TMEM63C: variants seen among roughly 807,000 people sequenced by gnomAD.
TMEM63C encodes transmembrane protein 63C, also known as osmosensitive cation channel TMEM63C.
In TMEM63C, 32 loss-of-function variants were observed where a neutral mutation model predicts 99.2. That is an observed-to-expected ratio of 0.32 (90% CI 0.24 to 0.43). The LOEUF (loss-of-function observed/expected upper bound fraction) is 0.43. Ranked by LOEUF, TMEM63C falls within the 20% of genes least tolerant of loss-of-function variation. The probability of loss-of-function intolerance (pLI) is 1.00; values close to 1 mark genes in which losing one functional copy is unlikely to be tolerated. For missense variants in TMEM63C, 826 were observed against 1,053.0 expected (o/e 0.78, Z 2.98); for synonymous variants, 376 against 397.9 (o/e 0.94, Z 0.66).
At chr14:77,189,765 A>T (rs1394957275) in intron 1 of TMEM63C, among the ~76,000 whole-genome samples, 1 of 152,124 alleles carries the variant, frequency 6.6e-6, no homozygotes, top group East Asian at 1.9e-4. Context: ...GGTGTGAAGG[A>T]CTCAGGGAAC....
chr14:77,246,196 G>A (rs1444625772), intron 17 of TMEM63C, among the ~76,000 whole-genome samples, 170 bp downstream of exon 17: 1 of 152,186 alleles, frequency 6.6e-6, no homozygotes, highest in Non-Finnish European at 1.5e-5. Context: ...AGACACTAAC[G>A]TGTCAGCCGT....
chr14:77,192,785 CGAA>C (rs1888132105), intron 1 of TMEM63C, among the ~76,000 whole-genome samples: 1 of 136,746 alleles, frequency 7.3e-6, no homozygotes, highest in Admixed American at 7.8e-5. Flanking sequence ...AAGACAAAGA[CGAA>C]GGAGGAGGAG....
chr14:77,191,461 A>G (rs561911280), intron 1 of TMEM63C, among the ~76,000 whole-genome samples: 4 of 144,150 alleles, frequency 2.8e-5, no homozygotes, highest in East Asian at 2.1e-4. Context: ...GCATATGTCT[A>G]TTAGGTACAA....
chr14:77,220,112 G>A (rs777245490), intron 5 of TMEM63C, 25 bp downstream of exon 5: 138 of 1,549,212 alleles, frequency 8.9e-5, no homozygotes, highest in East Asian at 3.2e-4. Flanking sequence ...CGGTCTGGGC[G>A]GTGGGAGTCC....
chr14:77,183,207 T>G (rs535355374), intron 1 of TMEM63C, among the ~76,000 whole-genome samples: 75 of 152,184 alleles, frequency 4.9e-4, no homozygotes, highest in African/African-American at 1.7e-3. Flanking sequence ...TCCAGGTATC[T>G]TACCTACATG....
At chr14:77,212,822 C>A (rs1851731662) in intron 1 of TMEM63C, among the ~76,000 whole-genome samples, 2 of 152,194 alleles carry the variant, frequency 1.3e-5, no homozygotes, top group African/African-American at 4.8e-5. Context: ...ACCTGACCAA[C>A]CTGCTGGATG....
chr14:77,192,012 G>C (rs1051332277), intron 1 of TMEM63C, among the ~76,000 whole-genome samples: 2 of 152,108 alleles, frequency 1.3e-5, no homozygotes, highest in African/African-American at 4.8e-5. Context: ...TGTATTTATA[G>C]TTGTTATATC....
chr14:77,238,632 A>T, intron 9 of TMEM63C, 62 bp from the exon 10 acceptor site: 1 of 1,362,976 alleles, frequency 7.3e-7, no homozygotes, highest in Non-Finnish European at 1.0e-6. Flanking sequence ...CAAAAGACTG[A>T]GGTGTCTGGA....
intron 6 of TMEM63C, among the ~76,000 whole-genome samples, chr14:77,226,134 G>A (rs374262895): frequency 3.3e-5 from 5 of 152,092 alleles, no homozygotes; most frequent in East Asian, 1.9e-4. Context: ...GCACACACAC[G>A]TACACGTGTG....
intron 5 of TMEM63C, among the ~76,000 whole-genome samples, chr14:77,224,716 A>G (rs366155): frequency 0.19 from 28,145 of 151,972 alleles, 2,766 homozygotes; most frequent in Non-Finnish European, 0.22. Flanking sequence ...CCCTCAGCAC[A>G]TGGCATCAAA....
At chr14:77,255,756 T>C (rs1386528706) in intron 23 of TMEM63C, among the ~76,000 whole-genome samples, 1 of 152,270 alleles carries the variant, frequency 6.6e-6, no homozygotes, top group East Asian at 1.9e-4. Context: ...GATTTTTCCA[T>C]GGTTCAGTTG....
At chr14:77,225,193 A>C (rs1203320381) in intron 5 of TMEM63C, among the ~76,000 whole-genome samples, 1 of 152,244 alleles carries the variant, frequency 6.6e-6, no homozygotes, top group African/African-American at 2.4e-5. Context: ...GTCACCTTCT[A>C]AACCCCATTT....
intron 8 of TMEM63C, 128 bp downstream of exon 8, chr14:77,233,628 C>T (rs949545160): frequency 9.2e-6 from 9 of 979,698 alleles, no homozygotes; most frequent in African/African-American, 6.5e-5. Context: ...CCCTGGGAAT[C>T]GGGTCCTGAG....
In TMEM63C at chr14:77,242,931, T is replaced by C. The variant is rs1889204405; in HGVS notation, c.1216T>C (p.Trp406Arg). Residue 406 changes from tryptophan (W) to arginine (R), a missense_variant, in exon 15 of 24, where the codon TGG becomes CGG. Trp to Arg is a moderately radical substitution (Grantham distance 101). Transcript: ENST00000298351. ...WKHLSVRRFF[W>R]WARFIAINTF... ...ACACCTGTCTGTCCGCCGCTTCTTT[T>C]GGTGGGCCCGCTTTATCGCAATCAA... 3.1e-6 allele frequency: 5 copies of C among 1,614,036 alleles called. No individual in the cohort carries two copies. The highest frequency in any genetic ancestry group is 3.4e-6 in the Non-Finnish European group (4 of 1,179,896).
chr14:77,223,929 C>T (rs112114443), intron 5 of TMEM63C, among the ~76,000 whole-genome samples: 14 of 152,262 alleles, frequency 9.2e-5, no homozygotes, highest in African/African-American at 3.4e-4. Flanking sequence ...GAGACAGACT[C>T]TTCATGCAGG....
chr14:77,211,680 A>G (rs79137013), intron 1 of TMEM63C, among the ~76,000 whole-genome samples: 23,909 of 152,234 alleles, frequency 0.16, 2,280 homozygotes, highest in Middle Eastern at 0.29. Flanking sequence ...GCAGACAGAA[A>G]GGCAAAGCTA....
At chr14:77,217,307 A>G (rs1888607367) in intron 2 of TMEM63C, among the ~76,000 whole-genome samples, 1 of 152,156 alleles carries the variant, frequency 6.6e-6, no homozygotes, top group African/African-American at 2.4e-5. Flanking sequence ...CAACAGCTGC[A>G]TGGTTCACTC....
chr14:77,233,589 G>T lies in TMEM63C; in HGVS notation c.542+89G>T. On this transcript the variant is annotated intron_variant, in intron 8 of 23. Transcript: ENST00000298351. ...AACATGTCAGTTTGCAACATGGGCA[G>T]CGTTTTGCTGATAAGAAAGGCCTGG... is the stretch of plus-strand genomic sequence containing the variant. 2.1e-6 allele frequency: 3 copies of T among 1,400,724 alleles called. No individual in the cohort carries two copies. The South Asian group carries it at 3.6e-5, about 17-fold the overall frequency. 86.8% of individuals were successfully genotyped at this position (1,400,724 alleles called of 1,614,324 possible).
chr14:77,189,724 C>T (rs1210713600), intron 1 of TMEM63C, among the ~76,000 whole-genome samples: 1 of 152,162 alleles, frequency 6.6e-6, no homozygotes, highest in Admixed American at 6.5e-5. Flanking sequence ...CCTGGGGAGT[C>T]AGGAAAGGGT....
Sources: allele counts gnomAD v4.1 joint callset (sites outside exome capture counted in the v4.1 genomes callset), GRCh38; gene constraint gnomAD v4.1.1; transcripts MANE v1.5; gene names NCBI Gene and HGNC (gene_info 2026-07-23, HGNC 2026-07-21).